Variants in SYT9 observed in about 807,000 individuals in gnomAD.
SYT9 encodes synaptotagmin 9.
A neutral mutation model predicts 48.4 loss-of-function variants in SYT9; 22 were observed. That is an observed-to-expected ratio of 0.45 (90% confidence interval 0.32 to 0.65). The LOEUF (loss-of-function observed/expected upper bound fraction) is 0.65. SYT9 is among the 30% of genes least tolerant of loss of function. SYT9 has a pLI of 0.03. For synonymous variants in SYT9, 265 were observed against 245.0 expected (o/e 1.08, Z -0.76); for missense variants, 577 against 622.0 (o/e 0.93, Z 0.77).
At chr11:7,391,770 G>T (rs1054502428) in intron 3 of SYT9, among the ~76,000 whole-genome samples, 4 of 73,838 alleles carry the variant, frequency 5.4e-5, no homozygotes, top group Middle Eastern at 0.016. Context: ...AAAAAACCTA[G>T]CTAGGCGTGG....
chr11:7,435,637 G>GAGTCTTTGAGC (rs1293435315), intron 6 of SYT9: 2 of 152,218 alleles, frequency 1.3e-5, no homozygotes, highest in Non-Finnish European at 2.9e-5. Flanking sequence ...CTTTAAAAGA[G>GAGTCTTTGAGC]AGTCTTTGAG....
At chr11:7,446,389 A>C in intron 6 of SYT9, among the ~76,000 whole-genome samples, 1 of 152,300 alleles carries the variant, frequency 6.6e-6, no homozygotes, top group East Asian at 1.9e-4. Context: ...TATTAGTATC[A>C]TTATTATTAA....
At chr11:7,240,618 T>G (rs1410280866) in intron 1 of SYT9, among the ~76,000 whole-genome samples, 1 of 152,200 alleles carries the variant, frequency 6.6e-6, no homozygotes, top group Non-Finnish European at 1.5e-5. Context: ...GTAGTATCCT[T>G]AAAGAAATTC....
intron 3 of SYT9, among the ~76,000 whole-genome samples, chr11:7,388,034 A>ATT (rs1457684841): frequency 1.3e-5 from 2 of 152,154 alleles, no homozygotes; most frequent in African/African-American, 4.8e-5. Flanking sequence ...ATTGGGGAAT[A>ATT]TTCCCTCCTT....
intron 1 of SYT9, among the ~76,000 whole-genome samples, chr11:7,297,102 C>G (rs56369058): frequency 0.093 from 13,369 of 143,674 alleles, 742 homozygotes; most frequent in South Asian, 0.19. Context: ...GAGAGAGAGA[C>G]AGAGAGAGAG....
chr11:7,281,782 T>C lies in SYT9; in HGVS notation c.146-21257T>C, dbSNP rs376933338. Among the ~76,000 whole-genome samples, 4 of 152,350 alleles carry C rather than the reference T, an allele frequency of 2.6e-5. No individual in the cohort carries two copies. The East Asian group carries it at 5.8e-4, about 22-fold the overall frequency. On this transcript the variant is annotated intron_variant, in intron 1 of 6. Transcript: ENST00000318881. ...CTTGGATAGAATTTTTGGATGGTAA[T>C]AGAATAAGCTATATACTTCTAGTGC...
At chr11:7,350,904 A>G (rs1394731397) in intron 3 of SYT9, among the ~76,000 whole-genome samples, 2 of 152,202 alleles carry the variant, frequency 1.3e-5, no homozygotes, top group Non-Finnish European at 2.9e-5. Context: ...TGGATTCTTG[A>G]CCCTGATCCC....
chr11:7,340,070 T>G (rs1441581209), intron 3 of SYT9, among the ~76,000 whole-genome samples: 1 of 152,210 alleles, frequency 6.6e-6, no homozygotes, highest in Non-Finnish European at 1.5e-5. Context: ...ATTGTTTTTT[T>G]CTTTATTTTT....
intron 1 of SYT9, among the ~76,000 whole-genome samples, chr11:7,294,670 C>A (rs1810922593): frequency 6.6e-6 from 1 of 152,200 alleles, no homozygotes; most frequent in South Asian, 2.1e-4. Context: ...TATTCTGCCC[C>A]CCAGGCTCAC....
At chr11:7,371,428 CT>C (rs968767138) in intron 3 of SYT9, among the ~76,000 whole-genome samples, 3 of 151,738 alleles carry the variant, frequency 2.0e-5, no homozygotes, top group Non-Finnish European at 4.4e-5. Context: ...AAGATTTTTT[CT>C]ATGTACATTA....
chr11:7,411,933 T>G (rs1847143047), intron 3 of SYT9, among the ~76,000 whole-genome samples: 1 of 152,210 alleles, frequency 6.6e-6, no homozygotes, highest in African/African-American at 2.4e-5. Context: ...GACTGGATTA[T>G]TTCAAAAGAT....
At chr11:7,320,303 C>G (rs1278995028) in intron 3 of SYT9, among the ~76,000 whole-genome samples, 1 of 152,162 alleles carries the variant, frequency 6.6e-6, no homozygotes, top group Non-Finnish European at 1.5e-5. Context: ...CCCTCTTTAC[C>G]TGGCTAACTC....
At chr11:7,349,898 A>T (rs1849879433) in intron 3 of SYT9, among the ~76,000 whole-genome samples, 2 of 152,244 alleles carry the variant, frequency 1.3e-5, no homozygotes. Flanking sequence ...TGGTAAAAAA[A>T]TAGGTCCTGA....
Position 7,313,689 on chromosome 11 carries a change from GCTTC to G in SYT9, c.795_798del (p.Pro266IlefsTer15), listed in dbSNP as rs1480420799. On this transcript the variant is annotated frameshift_variant, in exon 3 of 7. Coordinates refer to ENST00000318881, the MANE Select transcript of SYT9 (RefSeq NM_175733.4). LOFTEE classifies it high-confidence loss of function. ...CAGATCCTTATGTCAAGATCTATTT[GCTTC>G]CTGATCGGAAAACAAAACACCAGAC... The G allele has an allele frequency of 1.9e-6, 3 of 1,614,166 alleles. No homozygotes were observed. Among genetic ancestry groups the G allele is most frequent in the Non-Finnish European group, 2.5e-6 (3 of 1,180,014 alleles).
chr11:7,410,176 T>G (rs1313117675), intron 3 of SYT9, among the ~76,000 whole-genome samples: 1 of 152,244 alleles, frequency 6.6e-6, no homozygotes, highest in Non-Finnish European at 1.5e-5. Flanking sequence ...AGTATTGATT[T>G]ATTGTTTTAT....
chr11:7,344,844 C>A (rs528364400), intron 3 of SYT9, among the ~76,000 whole-genome samples: 1 of 151,970 alleles, frequency 6.6e-6, no homozygotes, highest in South Asian at 2.1e-4. Flanking sequence ...GTAAGTGCTG[C>A]AACTTTACCC....
intron 1 of SYT9, among the ~76,000 whole-genome samples, chr11:7,257,190 G>C (rs1847988909): frequency 6.6e-6 from 1 of 152,146 alleles, no homozygotes. Flanking sequence ...TCTCAGCTCA[G>C]CTCACATTTG....
chr11:7,403,951 T>C (rs1274337532), intron 3 of SYT9, among the ~76,000 whole-genome samples: 1 of 152,196 alleles, frequency 6.6e-6, no homozygotes, highest in Non-Finnish European at 1.5e-5. Context: ...GAGAGTGTGC[T>C]GTGAGGTGTG....
chr11:7,252,455 A>T lies in SYT9; in HGVS notation c.145+124A>T. The T allele has an allele frequency of 3.6e-6, 4 of 1,097,502 alleles. No homozygotes were observed. Among genetic ancestry groups the T allele is most frequent in the Non-Finnish European group, 4.8e-6 (4 of 840,072 alleles). The allele number at this position is 1,097,502 out of a possible 1,614,324, so 68.0% of individuals were successfully genotyped here. Reference sequence around the variant, plus strand: ...GAGGGCGGGGGGCGGCCACCGAGCCAGGAGAGTGATCAAGAACCAGCGCAC... The same window carrying T: ...GAGGGCGGGGGGCGGCCACCGAGCCTGGAGAGTGATCAAGAACCAGCGCAC... On this transcript the variant is annotated intron_variant, in intron 1 of 6. Coordinates refer to ENST00000318881, the MANE Select transcript of SYT9 (RefSeq NM_175733.4). The surrounding 1 kb of genome is among the most constrained non-coding windows in gnomAD (Gnocchi z 6.3).
Sources: gnomAD v4.1 joint callset for allele counts (sites outside exome capture counted in the v4.1 genomes callset) on GRCh38, gnomAD v4.1.1 for gene constraint, Gnocchi (gnomAD v3.1) non-coding constraint, MANE v1.5 for transcripts, NCBI Gene and HGNC (gene_info 2026-07-23, HGNC 2026-07-21) for gene names.